XRCC4: variants seen among roughly 807,000 people sequenced by gnomAD.
XRCC4 encodes the protein DNA repair protein XRCC4.
A neutral mutation model predicts 39.1 loss-of-function variants in XRCC4; 28 were observed. The ratio of observed to expected loss-of-function variants is 0.72; its 90% confidence interval spans 0.53 to 0.98. The LOEUF (loss-of-function observed/expected upper bound fraction) is 0.98, where lower values mean the gene tolerates loss of function less well. XRCC4 is among the 50% of genes least tolerant of loss of function. XRCC4 has a pLI of 0.00. For synonymous variants in XRCC4, 123 were observed against 126.4 expected, an observed-to-expected ratio of 0.97 and a Z score of 0.18; for missense variants, 350 against 376.4, an observed-to-expected ratio of 0.93 and a Z score of 0.58.
chr5:83,183,450 GT>G (rs1561387153), intron 3 of XRCC4, among the ~76,000 whole-genome samples: 3 of 145,084 alleles, frequency 2.1e-5, no homozygotes, highest in African/African-American at 8.0e-5. Flanking sequence ...GTGTGTGTGT[GT>G]GTGGCACATC....
At chr5:83,232,931 A>G (rs2112821359) in intron 6 of XRCC4, among the ~76,000 whole-genome samples, 1 of 152,330 alleles carries the variant, frequency 6.6e-6, no homozygotes. Context: ...ACAACTAGCA[A>G]GAGGAACAGC....
chr5:83,292,528 A>G (rs868444148), intron 7 of XRCC4, among the ~76,000 whole-genome samples: 1 of 151,986 alleles, frequency 6.6e-6, no homozygotes, highest in South Asian at 2.1e-4. Context: ...TTTTATGGTA[A>G]TGAAATAGCA....
chr5:83,370,625 C>A, the XRCC4 span, among the ~76,000 whole-genome samples: 2 of 152,124 alleles, frequency 1.3e-5, no homozygotes, highest in Non-Finnish European at 2.9e-5. Context: ...CCTACTTGGG[C>A]TTCTTCAACT....
At position 83,342,648 on chromosome 5, in the gene XRCC4, T is replaced by C. The variant is rs145878950; in HGVS notation, c.894-10483T>C. On this transcript the variant is annotated intron_variant, in intron 7 of 7. Coordinates refer to ENST00000396027, the MANE Select transcript of XRCC4 (RefSeq NM_003401.5). Reference sequence around the variant, plus strand: ...TTTTCTAGGCCAACGAAATGACGTGTAGGCCTAGTGAATTCCAGGCAATGT... The same window carrying C: ...TTTTCTAGGCCAACGAAATGACGTGCAGGCCTAGTGAATTCCAGGCAATGT... Among the ~76,000 whole-genome samples the C allele has an allele frequency of 1.6e-3, 244 of 152,308 alleles. 3 individuals are homozygous for C. The Middle Eastern group carries it at 0.041, about 25-fold the overall frequency.
chr5:83,270,520 T>A (rs1754104495), intron 7 of XRCC4, among the ~76,000 whole-genome samples: 1 of 152,098 alleles, frequency 6.6e-6, no homozygotes, highest in Non-Finnish European at 1.5e-5. Context: ...CTCCCTTTTT[T>A]TCCCATTTCC....
chr5:83,087,449 G>A (rs1745233477), intron 1 of XRCC4, among the ~76,000 whole-genome samples: 1 of 151,930 alleles, frequency 6.6e-6, no homozygotes, highest in African/African-American at 2.4e-5. Flanking sequence ...GATCATTTGA[G>A]GTCAGGCGTT....
intron 7 of XRCC4, among the ~76,000 whole-genome samples, chr5:83,345,202 C>T (rs1756882041): frequency 6.6e-6 from 1 of 152,144 alleles, no homozygotes; most frequent in Non-Finnish European, 1.5e-5. Flanking sequence ...TGTTGATAAA[C>T]AGAAGTACTT....
In XRCC4 at chr5:83,211,320, A is replaced by AG. The variant is rs75903378; in HGVS notation, c.745+6402dup. ...GGCAACTGCTGTACCTGAGCTAAAG[A>AG]GGGCTCACTCAATTTGCAGCAGAGG... On this transcript the variant is annotated intron_variant, in intron 6 of 7. Coordinates refer to ENST00000396027, the MANE Select transcript of XRCC4 (RefSeq NM_003401.5). 1.1e-3 allele frequency among the ~76,000 whole-genome samples: 166 copies of AG among 152,338 alleles called. 1 individual carries two copies. In the East Asian group the frequency reaches 0.025, roughly 23 times the overall value.
intron 7 of XRCC4, among the ~76,000 whole-genome samples, chr5:83,303,680 A>C (rs1009900265): frequency 6.6e-6 from 1 of 152,192 alleles, no homozygotes; most frequent in African/African-American, 2.4e-5. Context: ...ATGTAGTAAA[A>C]AATACAAATA....
chr5:83,277,171 C>G (rs189324166), intron 7 of XRCC4, among the ~76,000 whole-genome samples: 1 of 152,276 alleles, frequency 6.6e-6, no homozygotes, highest in Admixed American at 6.5e-5. Context: ...ATATATGAAA[C>G]CATAATAGAG....
Position 83,205,432 on chromosome 5 carries a change from C to T in XRCC4, c.745+511C>T, listed in dbSNP as rs1751382462. Among the ~76,000 whole-genome samples the T allele has an allele frequency of 3.4e-5, 5 of 148,928 alleles. No homozygotes were observed. In the Admixed American group the frequency reaches 3.5e-4, roughly 10 times the overall value. On this transcript the variant is annotated intron_variant, in intron 6 of 7. Coordinates refer to ENST00000396027, the MANE Select transcript of XRCC4 (RefSeq NM_003401.5). ...AAAAATGGCAGTTTAGTACAAAGTA[C>T]CTATGACTTACTCAGTCCTTTGGAT...
intron 3 of XRCC4, among the ~76,000 whole-genome samples, chr5:83,116,608 CTTTTTTTTTTTTT>C (rs559079642): frequency 7.8e-5 from 8 of 103,198 alleles, no homozygotes; most frequent in East Asian, 8.7e-4. Flanking sequence ...TTCTCTCTCT[CTTTTTTTTTTTTT>C]TTTTTTTTTT....
chr5:83,273,509 G>A (rs533305262), intron 7 of XRCC4, among the ~76,000 whole-genome samples: 191 of 152,230 alleles, frequency 1.3e-3, no homozygotes, highest in African/African-American at 4.4e-3. Flanking sequence ...GTCCTGAATG[G>A]TATTGCCTAG....
chr5:83,372,442 C>T, the XRCC4 span, among the ~76,000 whole-genome samples: 3 of 152,096 alleles, frequency 2.0e-5, no homozygotes, highest in Non-Finnish European at 4.4e-5. Flanking sequence ...GCCCCAGGCC[C>T]TCCTCATTGT....
At chr5:83,214,736 T>A (rs141341849) in intron 6 of XRCC4, among the ~76,000 whole-genome samples, 7,554 of 150,948 alleles carry the variant, frequency 0.05, 280 homozygotes, top group South Asian at 0.13. Context: ...CTCGGGAGGC[T>A]GAGGCAGGGA....
intron 6 of XRCC4, among the ~76,000 whole-genome samples, chr5:83,253,571 G>T (rs1365827257): frequency 6.6e-6 from 1 of 151,976 alleles, no homozygotes; most frequent in East Asian, 1.9e-4. Context: ...GCAAGGGGAA[G>T]AGAGGTGGCA....
chr5:83,121,395 C>G (rs889315132), intron 3 of XRCC4, among the ~76,000 whole-genome samples: 8 of 152,186 alleles, frequency 5.3e-5, no homozygotes, highest in Non-Finnish European at 1.0e-4. Context: ...ACATTCCCAT[C>G]ATCAGTATAT....
At chr5:83,109,249 A>G (rs186341246) in intron 2 of XRCC4, among the ~76,000 whole-genome samples, 142 of 151,924 alleles carry the variant, frequency 9.3e-4, no homozygotes, top group Non-Finnish European at 1.6e-3. Flanking sequence ...TTGTTTTTCA[A>G]AATTATGGAT....
intron 7 of XRCC4, among the ~76,000 whole-genome samples, chr5:83,272,172 C>G (rs1284459355): frequency 6.6e-6 from 1 of 152,136 alleles, no homozygotes; most frequent in Non-Finnish European, 1.5e-5. Flanking sequence ...AGTTTTTCTT[C>G]TGCAAGCTAA....
Sources: gnomAD v4.1 joint callset for allele counts (sites outside exome capture counted in the v4.1 genomes callset) on GRCh38, gnomAD v4.1.1 for gene constraint, MANE v1.5 for transcripts, NCBI Gene and HGNC (gene_info 2026-07-23, HGNC 2026-07-21) for gene names.